The following MXRA5 variants were observed in gnomAD, a reference collection of about 807,000 sequenced individuals.
MXRA5 encodes matrix remodeling associated 5, also known as matrix-remodeling-associated protein 5.
In MXRA5, 41 loss-of-function variants were observed where a neutral mutation model predicts 112.5. The observed-to-expected ratio is 0.36, with a 90% CI of 0.28 to 0.47. The LOEUF is 0.47. MXRA5 is among the 20% of genes least tolerant of loss of function. MXRA5 has a pLI of 0.99. For synonymous variants in MXRA5, 862 were observed against 900.8 expected (o/e 0.96, Z 0.77); for missense variants, 2,150 against 2,251.0 (o/e 0.96, Z 0.91).
chrX:3,318,933 T>C (rs1426731522), intron 5 of MXRA5, among the ~76,000 whole-genome samples: 2 of 111,440 alleles, frequency 1.8e-5, no homozygotes, highest in Non-Finnish European at 3.8e-5. Flanking sequence ...TGGAGGACAT[T>C]AGATTAAGTG....
chrX:3,329,524 A>G (rs1224753777), intron 4 of MXRA5, among the ~76,000 whole-genome samples: 1 of 56,146 alleles, frequency 1.8e-5, no homozygotes, highest in Non-Finnish European at 4.3e-5. Context: ...CAACTGCAAC[A>G]CATAAGTCCT....
At chrX:3,330,574 T>C in intron 3 of MXRA5, 70 bp downstream of exon 3, 1 of 1,165,540 alleles carries the variant, frequency 8.6e-7, no homozygotes, top group Non-Finnish European at 1.1e-6. Context: ...GAGAATGACA[T>C]AATTTCTATT....
rs1363623006 is a variant in MXRA5, at chrX:3,317,587, C to T, written c.6094G>A (p.Gly2032Arg). ...VYKCVASNAA[G>R]ADSLAIRLHV... ...AGGCGGATGGCCAGGCTGTCCGCCC[C>T]GGCTGCATTGCTGGCCACGCACTTA... Residue 2032 changes from glycine to arginine, a missense_variant, in exon 6 of 7, where the codon GGG becomes AGG. Around this residue, in one of 6 missense-constraint regions of MXRA5, gnomAD observed 1,485 missense variants for 1,471.6 expected, o/e 1.01. Coordinates refer to ENST00000217939, the MANE Select transcript of MXRA5 (RefSeq NM_015419.4). 8.3e-7 allele frequency: 1 copy of T among 1,209,358 alleles called. No homozygotes were observed.
chrX:3,342,175 A>C (rs1922003385), intron 2 of MXRA5, among the ~76,000 whole-genome samples: 1 of 109,762 alleles, frequency 9.1e-6, no homozygotes, highest in Non-Finnish European at 1.9e-5. Context: ...TCACTCATAA[A>C]TGGGAGTTGA....
intron 4 of MXRA5, among the ~76,000 whole-genome samples, chrX:3,328,356 A>G (rs1921561187): frequency 8.9e-6 from 1 of 112,396 alleles, no homozygotes; most frequent in Admixed American, 9.4e-5. Flanking sequence ...GTGTGGCTAG[A>G]AATAAACGAA....
At chrX:3,343,618 G>C in intron 2 of MXRA5, 28 bp downstream of exon 2, 4 of 1,184,986 alleles carry the variant, frequency 3.4e-6, no homozygotes, top group Non-Finnish European at 4.6e-6. Context: ...CTGACAGTGG[G>C]AAGGTTCGGG....
At chrX:3,338,439 C>CATAG (rs1921831814) in intron 2 of MXRA5, among the ~76,000 whole-genome samples, 1 of 109,872 alleles carries the variant, frequency 9.1e-6, no homozygotes, top group Middle Eastern at 4.9e-3. Context: ...TAGATAGGTA[C>CATAG]ATAGATAGAT....
Position 3,324,217 on chromosome X carries a change from T to A in MXRA5, c.1468A>T (p.Thr490Ser). Residue 490 changes from threonine to serine, a missense_variant, in exon 5 of 7, where the codon ACT becomes TCT. Around this residue, in one of 6 missense-constraint regions of MXRA5, gnomAD observed 386 missense variants for 411.0 expected, o/e 0.94. Coordinates refer to ENST00000217939, the MANE Select transcript of MXRA5 (RefSeq NM_015419.4). ...EPSGAVQRDQ[T>S]VLEGGPCQLS... ...TGGCATGGACCCCCTTCCAGGACAG[T>A]CTGATCTCTTTGCACAGCTCCACTA... The A allele has an allele frequency of 2.5e-6, 3 of 1,211,774 alleles. No homozygotes were observed. The highest frequency in any genetic ancestry group is 3.4e-6 in the Non-Finnish European group (3 of 895,515).
chrX:3,323,512 T>C lies in MXRA5; in HGVS notation c.2173A>G (p.Lys725Glu). 8.3e-7 allele frequency: 1 copy of C among 1,211,927 alleles called. No individual in the cohort carries two copies. Among genetic ancestry groups the C allele is most frequent in the Non-Finnish European group, 1.1e-6 (1 of 895,584 alleles). ...CCATTGATGGCATCATCCTTTGTTT[T>C]GAGGAACACCTCTTGGTCCTTTGGA... ...LHPKDQEVFL[K>E]TKDDAINGDK... Residue 725 changes from lysine to glutamate, a missense_variant, in exon 5 of 7, where the codon AAA becomes GAA. Transcript: ENST00000217939.
At position 3,321,227 on chromosome X, in the gene MXRA5, G is replaced by T. The variant is rs1349153064; in HGVS notation, c.4458C>A (p.Ala1486=). The change falls in exon 5 of 7, where the codon GCC becomes GCA. Residue 1486 remains alanine, a synonymous_variant. Transcript: ENST00000217939. ...TRPQNHTPTA[A]RMKEPASSSP... is the part of the protein sequence containing the mutation. ...ACGAGGATGCTGGCTCCTTCATCCG[G>T]GCAGCAGTAGGGGTGTGATTCTGTG... is the stretch of plus-strand genomic sequence containing the variant. The T allele has an allele frequency of 1.7e-6, 2 of 1,209,644 alleles. No homozygotes were observed. The highest frequency in any genetic ancestry group is 3.5e-5 in the African/African-American group (2 of 57,120).
At position 3,324,703 on chromosome X, in the gene MXRA5, T is replaced by C; in HGVS notation, c.982A>G (p.Asn328Asp). Residue 328 changes from asparagine (N) to aspartate (D), a missense_variant, in exon 5 of 7, where the codon AAC becomes GAC. Around this residue, in one of 6 missense-constraint regions of MXRA5, gnomAD observed 386 missense variants for 411.0 expected, o/e 0.94. Coordinates refer to ENST00000217939, the MANE Select transcript of MXRA5 (RefSeq NM_015419.4). ...ATGTCACAGACCAAGTTCACCATGT[T>C]CCCGTGCTCGTCGGTCATATTCAAA... is the stretch of plus-strand genomic sequence containing the variant. Reference protein sequence around the residue: ...ISLNMTDEHGNMVNLVCDIKK... With the variant: ...ISLNMTDEHGDMVNLVCDIKK... The C allele has an allele frequency of 8.3e-7, 1 of 1,210,526 alleles. No individual in the cohort carries two copies. Among genetic ancestry groups the C allele is most frequent in the African/African-American group, 1.7e-5 (1 of 57,707 alleles).
chrX:3,316,006 A>C (rs1921107585), intron 6 of MXRA5, among the ~76,000 whole-genome samples: 2 of 58,046 alleles, frequency 3.4e-5, no homozygotes, highest in African/African-American at 7.2e-5. Context: ...GTATTTGTTA[A>C]GAAGTTGAGT....
intron 4 of MXRA5, among the ~76,000 whole-genome samples, chrX:3,325,301 T>C (rs1277472958): frequency 1.8e-5 from 2 of 111,031 alleles, no homozygotes; most frequent in African/African-American, 6.5e-5. Context: ...TTTTACAATG[T>C]AACTTCTGTG....
chrX:3,312,560 C>CTTTTT (rs773869772), intron 6 of MXRA5, among the ~76,000 whole-genome samples: 1 of 91,052 alleles, frequency 1.1e-5, no homozygotes, highest in East Asian at 3.4e-4. Flanking sequence ...ACCACACTTT[C>CTTTTT]TTTTTTTTTT....
chrX:3,323,893 G>T lies in MXRA5; in HGVS notation c.1792C>A (p.Pro598Thr). The T allele has an allele frequency of 1.7e-6, 2 of 1,208,442 alleles. No homozygotes were observed. Among genetic ancestry groups the T allele is most frequent in the East Asian group, 3.0e-5 (1 of 33,802 alleles). Residue 598 changes from proline to threonine, a missense_variant, in exon 5 of 7, where the codon CCT becomes ACT. Physicochemically the swap from Pro to Thr is conservative, Grantham distance 38. Around this residue, in one of 6 missense-constraint regions of MXRA5, gnomAD observed 1,485 missense variants for 1,471.6 expected, o/e 1.01. Coordinates refer to ENST00000217939, the MANE Select transcript of MXRA5 (RefSeq NM_015419.4). ...GKNPGESVTL[P>T]CNALAIPEAH... Reference sequence around the variant, plus strand: ...TCGGGTATTGCTAAAGCATTGCAAGGCAATGTCACCGACTCCCCTGGGTTC... The same window carrying T: ...TCGGGTATTGCTAAAGCATTGCAAGTCAATGTCACCGACTCCCCTGGGTTC...
chrX:3,325,169 C>A (rs1265617726), intron 4 of MXRA5, among the ~76,000 whole-genome samples, 194 bp from the exon 5 acceptor site: 1 of 111,457 alleles, frequency 9.0e-6, no homozygotes, highest in South Asian at 3.8e-4. Flanking sequence ...TGGTAACTAA[C>A]GGGTGCTTTA....
At chrX:3,329,412 A>G (rs56261031) in intron 4 of MXRA5, among the ~76,000 whole-genome samples, 13 of 38,949 alleles carry the variant, frequency 3.3e-4, no homozygotes, top group Admixed American at 1.6e-3. Flanking sequence ...GGAAGGAGAG[A>G]AAAGGAAGGA....
At chrX:3,326,058 T>C (rs1921480618) in intron 4 of MXRA5, among the ~76,000 whole-genome samples, 1 of 72,418 alleles carries the variant, frequency 1.4e-5, no homozygotes, top group Non-Finnish European at 2.4e-5. Flanking sequence ...TATATTTATA[T>C]ATATTTATAC....
Sources: gnomAD v4.1 joint callset for allele counts (sites outside exome capture counted in the v4.1 genomes callset) on GRCh38, gnomAD v4.1.1 for gene constraint, gnomAD v4.1.1 regional missense constraint, MANE v1.5 for transcripts, NCBI Gene and HGNC (gene_info 2026-07-23, HGNC 2026-07-21) for gene names.